VNN2: variants seen among roughly 807,000 people sequenced by gnomAD.
The protein encoded by VNN2 is vanin 2, also known as pantetheine hydrolase VNN2.
VNN2 carries 43 observed loss-of-function variants against 43.0 expected under a neutral mutation model. The observed-to-expected ratio is 1.00, with a 90% CI of 0.78 to 1.29. VNN2 has a LOEUF of 1.29. Among genes scored for constraint, VNN2 ranks in the 50% most tolerant of loss-of-function variants. The pLI is 0.00. For synonymous variants in VNN2, 230 were observed against 224.3 expected (o/e 1.03, Z -0.23); for missense variants, 652 against 619.7 (o/e 1.05, Z -0.55).
chr6:132,752,429 A>G (rs183534398), intron 4 of VNN2, 32 bp downstream of exon 4: 31 of 1,573,494 alleles, frequency 2.0e-5, no homozygotes, highest in Non-Finnish European at 2.4e-5. Flanking sequence ...ACTTAAAAAT[A>G]TAAGATGAAA....
chr6:132,759,844 G>T (rs73548504), upstream of VNN2, among the ~76,000 whole-genome samples: 844 of 152,274 alleles, frequency 5.5e-3, 15 homozygotes, highest in African/African-American at 0.019. Context: ...TAAAGGGATA[G>T]ATATTTTTAT....
chr6:132,747,107 G>A (rs1562241078), intron 6 of VNN2, among the ~76,000 whole-genome samples: 1 of 152,094 alleles, frequency 6.6e-6, no homozygotes. Flanking sequence ...GATTACAGGT[G>A]CCCAATTTAA....
intron 3 of VNN2, among the ~76,000 whole-genome samples, chr6:132,755,383 C>CT (rs397728432): frequency 0.52 from 61,395 of 118,830 alleles, 15,954 homozygotes; most frequent in African/African-American, 0.68. Flanking sequence ...TCTTTTTTTT[C>CT]TTTTTTTTTT....
chr6:132,760,492 G>C (rs1780714090), upstream of VNN2: 1 of 151,988 alleles, frequency 6.6e-6, no homozygotes, highest in Admixed American at 6.6e-5. Context: ...GTCTTTTAAA[G>C]AACCCAATTC....
intron 6 of VNN2, among the ~76,000 whole-genome samples, chr6:132,747,857 G>T (rs1222402012): frequency 1.3e-5 from 2 of 152,106 alleles, no homozygotes; most frequent in Non-Finnish European, 2.9e-5. Flanking sequence ...CACTTATGTG[G>T]TTCAGAGTAA....
intron 2 of VNN2, among the ~76,000 whole-genome samples, 163 bp downstream of exon 2, chr6:132,757,253 A>G (rs538506933): frequency 6.6e-6 from 1 of 152,366 alleles, no homozygotes; most frequent in South Asian, 2.1e-4. Context: ...AGATTGTTAA[A>G]TAGTATCTAA....
intron 2 of VNN2, 52 bp from the exon 3 acceptor site, chr6:132,756,087 A>C: frequency 6.9e-7 from 1 of 1,457,944 alleles, no homozygotes; most frequent in Non-Finnish European, 9.1e-7. Context: ...TATTTTAGTC[A>C]CTTTATATGG....
At chr6:132,748,164 C>A (rs1160471466) in intron 6 of VNN2, among the ~76,000 whole-genome samples, 1 of 152,226 alleles carries the variant, frequency 6.6e-6, no homozygotes, top group Non-Finnish European at 1.5e-5. Context: ...TGATTTCTCT[C>A]TCTCACTTCC....
intron 6 of VNN2, among the ~76,000 whole-genome samples, chr6:132,747,411 G>C (rs1264363926): frequency 6.6e-6 from 1 of 152,116 alleles, no homozygotes; most frequent in Non-Finnish European, 1.5e-5. Flanking sequence ...GATGTTAGGA[G>C]TTCGAGACCA....
intron 3 of VNN2, among the ~76,000 whole-genome samples, chr6:132,754,355 A>G (rs1421354180): frequency 6.6e-6 from 1 of 152,256 alleles, no homozygotes; most frequent in African/African-American, 2.4e-5. Context: ...TTATGAAGAA[A>G]GCATTTTGAA....
At chr6:132,752,855 G>T in intron 3 of VNN2, 106 bp from the exon 4 acceptor site, 1 of 1,260,670 alleles carries the variant, frequency 7.9e-7, no homozygotes, top group East Asian at 2.3e-5. Flanking sequence ...TCAACTGCAG[G>T]GAATCTCCTA....
In VNN2 at chr6:132,752,512, C is replaced by T. The variant is rs368725042; in HGVS notation, c.775G>A (p.Gly259Arg). 5.1e-5 allele frequency: 83 copies of T among 1,613,928 alleles called. No homozygotes were observed. Among genetic ancestry groups the T allele is most frequent in the African/African-American group, 6.7e-5 (5 of 74,906 alleles). Residue 259 changes from glycine to arginine, a missense_variant, in exon 4 of 7, where the codon GGA becomes AGA. By Grantham distance (125) the Gly-to-Arg change is moderately radical (BLOSUM62 -2). Coordinates refer to ENST00000326499, the MANE Select transcript of VNN2 (RefSeq NM_004665.6). ...GTGTTGGCCACAAGAAGATTAACTC[C>T]CATTCCCATTGCCCAAGCTGAATGG... The part of the protein sequence containing the change: ...EFHSAWAMGM[G>R]VNLLVANTHH...
upstream of VNN2, chr6:132,760,774 C>T (rs1780720232): frequency 6.6e-6 from 1 of 151,864 alleles, no homozygotes; most frequent in South Asian, 2.1e-4. Flanking sequence ...TATTGTGTTC[C>T]CAAATCTGGA....
chr6:132,751,583 T>G, intron 4 of VNN2, 65 bp from the exon 5 acceptor site: 1 of 1,535,116 alleles, frequency 6.5e-7, no homozygotes, highest in Non-Finnish European at 8.7e-7. Flanking sequence ...ACTGCCAATT[T>G]CCCCATCAGA....
upstream of VNN2, among the ~76,000 whole-genome samples, chr6:132,760,982 G>A (rs1405589755): frequency 6.6e-6 from 1 of 151,918 alleles, no homozygotes; most frequent in Non-Finnish European, 1.5e-5. Context: ...AAAGGTAATT[G>A]CAAAAAAGAA....
chr6:132,752,078 A>G (rs1339065208), intron 4 of VNN2, among the ~76,000 whole-genome samples: 1 of 152,196 alleles, frequency 6.6e-6, no homozygotes, highest in Admixed American at 6.5e-5. Flanking sequence ...GACAGCAGCC[A>G]TGTCACGAGG....
chr6:132,752,293 T>C (rs1350675331), intron 4 of VNN2, among the ~76,000 whole-genome samples, 168 bp downstream of exon 4: 3 of 152,204 alleles, frequency 2.0e-5, no homozygotes, highest in Non-Finnish European at 4.4e-5. Flanking sequence ...AAGGTCTTAG[T>C]ATAACCATAG....
upstream of VNN2, chr6:132,760,925 T>C (rs537118588): frequency 1.3e-5 from 2 of 152,324 alleles, no homozygotes; most frequent in Admixed American, 1.3e-4. Flanking sequence ...GTTTTTTTAT[T>C]TGAAGCATCT....
In VNN2 at chr6:132,749,813, G is replaced by A. The variant is rs933145880; in HGVS notation, c.1253C>T (p.Pro418Leu). 1 of 1,613,970 alleles carries A rather than the reference G, an allele frequency of 6.2e-7. No individual in the cohort carries two copies. The highest frequency in any genetic ancestry group is 2.2e-5 in the East Asian group (1 of 44,894). ...AAATCTTGTAGAAGCAGTTTCTACT[G>A]GCCGTCCACAAGTTGTCAAATTAGT... is the stretch of plus-strand genomic sequence containing the variant. ...KTTNLTTCGR[P>L]VETASTRFEM... Residue 418 changes from proline (P) to leucine (L), a missense_variant, in exon 6 of 7, where the codon CCA becomes CTA. Pro to Leu is a moderately conservative substitution (Grantham distance 98). Coordinates refer to ENST00000326499, the MANE Select transcript of VNN2 (RefSeq NM_004665.6).
Sources: allele counts gnomAD v4.1 joint callset (sites outside exome capture counted in the v4.1 genomes callset), GRCh38; gene constraint gnomAD v4.1.1; transcripts MANE v1.5; gene names NCBI Gene and HGNC (gene_info 2026-07-23, HGNC 2026-07-21).